Variants in FBXL17 observed in about 807,000 individuals in gnomAD.
FBXL17 encodes the protein F-box/LRR-repeat protein 17.
A neutral mutation model predicts 66.2 loss-of-function variants in FBXL17; 22 were observed. That is an observed-to-expected ratio of 0.33 (90% CI 0.24 to 0.47). The LOEUF (loss-of-function observed/expected upper bound fraction) is 0.47. Ranked by LOEUF, FBXL17 falls within the 20% of genes least tolerant of loss-of-function variation. FBXL17 has a pLI of 1.00. For missense variants in FBXL17, 878 were observed against 948.2 expected, an observed-to-expected ratio of 0.93 and a Z score of 0.97; for synonymous variants, 474 against 400.5, an observed-to-expected ratio of 1.18 and a Z score of -2.19.
At chr5:107,914,618 G>A (rs980384775) in intron 7 of FBXL17, among the ~76,000 whole-genome samples, 1 of 152,192 alleles carries the variant, frequency 6.6e-6, no homozygotes, top group Non-Finnish European at 1.5e-5. Flanking sequence ...TGGTGGGTGG[G>A]CATTTGACAT....
chr5:108,035,662 C>T (rs1444167638), intron 6 of FBXL17, among the ~76,000 whole-genome samples: 4 of 152,024 alleles, frequency 2.6e-5, no homozygotes, highest in African/African-American at 4.8e-5. Context: ...CCACCACATC[C>T]GGCTGGGAGA....
intron 4 of FBXL17, among the ~76,000 whole-genome samples, chr5:108,285,639 T>C (rs1466905082): frequency 6.6e-6 from 1 of 151,800 alleles, no homozygotes; most frequent in Non-Finnish European, 1.5e-5. Context: ...AAAAGCGGGC[T>C]TACAATATTC....
At chr5:108,363,048 G>A (rs1036334659) in intron 3 of FBXL17, among the ~76,000 whole-genome samples, 7 of 151,842 alleles carry the variant, frequency 4.6e-5, no homozygotes, top group East Asian at 1.9e-4. Context: ...TTAGGCTTTC[G>A]TAACTCTATT....
At chr5:107,975,297 C>T (rs1752534740) in intron 7 of FBXL17, among the ~76,000 whole-genome samples, 1 of 151,970 alleles carries the variant, frequency 6.6e-6, no homozygotes, top group Non-Finnish European at 1.5e-5. Flanking sequence ...AGAAAACTTG[C>T]CAAAAACTTC....
intron 4 of FBXL17, among the ~76,000 whole-genome samples, chr5:108,327,216 T>G (rs1234878045): frequency 1.3e-5 from 2 of 152,190 alleles, no homozygotes; most frequent in Non-Finnish European, 2.9e-5. Flanking sequence ...GATCCAGAAG[T>G]AAATCCAGAC....
At chr5:108,376,608 T>C (rs1224943629) in intron 1 of FBXL17, among the ~76,000 whole-genome samples, 1 of 152,168 alleles carries the variant, frequency 6.6e-6, no homozygotes, top group Non-Finnish European at 1.5e-5. Context: ...TCTTTTACCA[T>C]GTTTATAATA....
At chr5:108,219,418 G>C (rs565071944) in intron 5 of FBXL17, among the ~76,000 whole-genome samples, 4 of 152,292 alleles carry the variant, frequency 2.6e-5, no homozygotes, top group African/African-American at 9.6e-5. Context: ...GGATGTGGTT[G>C]CTCACGCCTG....
intron 6 of FBXL17, among the ~76,000 whole-genome samples, chr5:108,063,432 A>T (rs1347479500): frequency 1.3e-5 from 2 of 152,220 alleles, no homozygotes; most frequent in African/African-American, 2.4e-5. Flanking sequence ...ACAGTATAAG[A>T]TCATAACGAT....
intron 4 of FBXL17, among the ~76,000 whole-genome samples, chr5:108,344,693 T>C (rs1561541926): frequency 6.6e-6 from 1 of 152,116 alleles, no homozygotes; most frequent in Non-Finnish European, 1.5e-5. Context: ...CCCAAAGAGG[T>C]TCTCTGTCCA....
At chr5:108,291,770 T>C (rs1965392) in intron 4 of FBXL17, among the ~76,000 whole-genome samples, 6,396 of 152,174 alleles carry the variant, frequency 0.042, 779 homozygotes, top group East Asian at 0.39. Flanking sequence ...CCTCTTTCCA[T>C]TAATACCTAT....
intron 5 of FBXL17, among the ~76,000 whole-genome samples, chr5:108,187,128 A>G (rs1753270178): frequency 6.6e-6 from 1 of 152,036 alleles, no homozygotes; most frequent in African/African-American, 2.4e-5. Context: ...CACCTTCTCC[A>G]TGTTTTCATT....
intron 7 of FBXL17, among the ~76,000 whole-genome samples, chr5:107,886,745 A>C (rs1041773710): frequency 2.0e-5 from 3 of 152,168 alleles, no homozygotes; most frequent in Admixed American, 1.3e-4. Flanking sequence ...ATAATCAGAT[A>C]AATATAAACA....
chr5:107,899,937 C>T (rs374456795), intron 7 of FBXL17, among the ~76,000 whole-genome samples: 156 of 151,938 alleles, frequency 1.0e-3, no homozygotes, highest in Middle Eastern at 3.4e-3. Context: ...TACTTGTACC[C>T]CCTAAATATT....
At position 107,926,978 on chromosome 5, in the gene FBXL17, G is replaced by C. The variant is rs182104075; in HGVS notation, c.1823-45799C>G. 2.1e-3 allele frequency among the ~76,000 whole-genome samples: 320 copies of C among 151,910 alleles called. 2 individuals carry two copies. Among genetic ancestry groups the C allele is most frequent in the Non-Finnish European group, 3.7e-3 (252 of 67,936 alleles). ...TTTAAATGAAAATAAAGCAATAAGG[G>C]ATGTATCTAAAAATAATAATTGAAA... On this transcript the variant is annotated intron_variant, in intron 7 of 8. Coordinates refer to ENST00000542267, the MANE Select transcript of FBXL17 (RefSeq NM_001163315.3).
chr5:107,859,133 C>A lies in FBXL17; in HGVS notation c.*2587G>T, dbSNP rs1482588767. The A allele has an allele frequency of 6.6e-6, 1 of 152,056 alleles. No homozygotes were observed. The highest frequency in any genetic ancestry group is 1.9e-4 in the East Asian group (1 of 5,202). The allele number at this position is 152,056 out of a possible 1,614,324, so 9.4% of individuals were successfully genotyped here. A position where few individuals can be genotyped will look rare whatever the true frequency, so the allele number is the denominator to read the frequency against. On this transcript the variant is annotated 3_prime_UTR_variant, in exon 9 of 9. Coordinates refer to ENST00000542267, the MANE Select transcript of FBXL17 (RefSeq NM_001163315.3). ...AATTTTCTTTATCCACTCAAAAAGA[C>A]ATTAAAGACAAAGGACCAGAATTTT...
chr5:108,099,942 A>G (rs1202629428), intron 6 of FBXL17, among the ~76,000 whole-genome samples: 1 of 152,190 alleles, frequency 6.6e-6, no homozygotes, highest in Non-Finnish European at 1.5e-5. Context: ...CTTTTCACAG[A>G]AATTAGGTTG....
At chr5:108,017,688 T>C (rs1011819675) in intron 7 of FBXL17, among the ~76,000 whole-genome samples, 7 of 152,156 alleles carry the variant, frequency 4.6e-5, no homozygotes, top group African/African-American at 1.7e-4. Context: ...TCCACAACAC[T>C]GCCAATGACA....
At chr5:108,314,634 C>CA (rs1759273572) in intron 4 of FBXL17, among the ~76,000 whole-genome samples, 2 of 149,398 alleles carry the variant, frequency 1.3e-5, no homozygotes, top group South Asian at 4.2e-4. Flanking sequence ...GAAATTAGGC[C>CA]AAAAAAATAA....
intron 7 of FBXL17, among the ~76,000 whole-genome samples, chr5:107,986,109 T>C (rs1753001845): frequency 2.0e-5 from 3 of 152,068 alleles, no homozygotes; most frequent in South Asian, 2.1e-4. Flanking sequence ...TTATCAGTAA[T>C]TGAATCTACT....
Sources: allele counts gnomAD v4.1 joint callset (sites outside exome capture counted in the v4.1 genomes callset), GRCh38; gene constraint gnomAD v4.1.1; transcripts MANE v1.5; gene names NCBI Gene and HGNC (gene_info 2026-07-23, HGNC 2026-07-21).